Variants in EPYC observed in about 807,000 individuals in gnomAD.
The protein encoded by EPYC is epiphycan.
A neutral mutation model predicts 30.1 loss-of-function variants in EPYC; 28 were observed. The ratio of observed to expected loss-of-function variants is 0.93; its 90% CI spans 0.69 to 1.28. The LOEUF is 1.28. Ranked by LOEUF, EPYC falls within the 50% of genes most tolerant of loss-of-function variation. EPYC has a pLI of 0.00. For missense variants in EPYC, 382 were observed against 383.5 expected (o/e 1.00, Z 0.03); for synonymous variants, 144 against 141.4 (o/e 1.02, Z -0.13).
At chr12:90,975,875 AT>A (rs1360673947) in intron 3 of EPYC, among the ~76,000 whole-genome samples, 1 of 152,138 alleles carries the variant, frequency 6.6e-6, no homozygotes, top group Admixed American at 6.6e-5. Context: ...CAGAAAGAAT[AT>A]AATATATTCA....
intron 2 of EPYC, among the ~76,000 whole-genome samples, chr12:90,987,431 C>A (rs1017470813): frequency 6.6e-6 from 1 of 151,018 alleles, no homozygotes; most frequent in Non-Finnish European, 1.5e-5. Flanking sequence ...TGGCCAGAAG[C>A]CCCTCTCAGG....
chr12:90,966,928 C>T (rs1000219848), intron 6 of EPYC, among the ~76,000 whole-genome samples: 34 of 151,998 alleles, frequency 2.2e-4, no homozygotes, highest in African/African-American at 8.2e-4. Context: ...TATAGTAATC[C>T]TTATGATCCT....
chr12:90,998,875 G>A (rs1877758039), intron 2 of EPYC, among the ~76,000 whole-genome samples: 1 of 152,044 alleles, frequency 6.6e-6, no homozygotes, highest in South Asian at 2.1e-4. Context: ...TAGGGCTGTG[G>A]TCTCATGCAG....
chr12:91,002,429 T>C lies in EPYC; in HGVS notation c.137A>G (p.Tyr46Cys), dbSNP rs1877853656. 1 of 1,612,830 alleles carries C rather than the reference T, an allele frequency of 6.2e-7. No individual in the cohort carries two copies. The highest frequency in any genetic ancestry group is 1.3e-5 in the African/African-American group (1 of 74,814). Residue 46 changes from tyrosine to cysteine, a missense_variant, in exon 2 of 7, where the codon TAT (tyrosine) becomes TGT (cysteine). Coordinates refer to ENST00000261172, the MANE Select transcript of EPYC (RefSeq NM_004950.5). The part of the protein sequence containing the change: ...TLEDLDNLYN[Y>C]ENIPVDKVEI... ...AACTTTATCAACAGGTATGTTTTCA[T>C]AGTTGTACAAATTATCCAGGTCTTC...
chr12:90,996,214 T>C (rs550964491), intron 2 of EPYC, among the ~76,000 whole-genome samples: 1 of 151,936 alleles, frequency 6.6e-6, no homozygotes, highest in African/African-American at 2.4e-5. Flanking sequence ...CCTATACCGA[T>C]TTATTATATT....
chr12:90,977,493 A>G (rs973406857), intron 3 of EPYC, among the ~76,000 whole-genome samples: 2 of 152,136 alleles, frequency 1.3e-5, no homozygotes, highest in Admixed American at 1.3e-4. Context: ...TAAACAGCCA[A>G]GAATCTGAAC....
At chr12:90,979,038 A>C (rs1877264854) in intron 2 of EPYC, among the ~76,000 whole-genome samples, 1 of 152,170 alleles carries the variant, frequency 6.6e-6, no homozygotes, top group Non-Finnish European at 1.5e-5. Flanking sequence ...TTTAGATTAC[A>C]ACTGCTTTGC....
rs1247283749 is a variant in EPYC, at chr12:91,002,524, A to G, written c.42T>C (p.Phe14=). 6.2e-7 allele frequency: 1 copy of G among 1,613,126 alleles called. No individual in the cohort carries two copies. The highest frequency in any genetic ancestry group is 8.5e-7 in the Non-Finnish European group (1 of 1,179,526). ...LAGLVLGLVI[F]DAAVTAPTLE... ...GAGTTGGGGCAGTCACAGCAGCATC[A>G]AAGATGACAAGTCCCAGAACAAGTC... The change falls in exon 2 of 7, where the codon TTT becomes TTC. Residue 14 remains phenylalanine, a synonymous_variant. Transcript: ENST00000261172.
chr12:91,000,545 A>C (rs1565877108), intron 2 of EPYC, among the ~76,000 whole-genome samples: 1 of 151,810 alleles, frequency 6.6e-6, no homozygotes, highest in Admixed American at 6.6e-5. Context: ...AGATATAGTC[A>C]TTTTTTTCAT....
intron 2 of EPYC, among the ~76,000 whole-genome samples, chr12:90,999,093 T>A (rs1478143232): frequency 6.6e-6 from 1 of 152,116 alleles, no homozygotes; most frequent in Non-Finnish European, 1.5e-5. Context: ...AAACATCTCA[T>A]GAGTTTAGGT....
In EPYC at chr12:90,972,742, C is replaced by T. The variant is rs936386070; in HGVS notation, c.499+80G>A. On this transcript the variant is annotated intron_variant, in intron 4 of 6. Coordinates refer to ENST00000261172, the MANE Select transcript of EPYC (RefSeq NM_004950.5). ...CAGGCTTTGGCATTCAAGTTTCATT[C>T]TCAGTGCTAACATTTAACAATGTAA... The T allele has an allele frequency of 3.2e-6, 4 of 1,235,988 alleles. No individual in the cohort carries two copies. The African/African-American group carries it at 6.1e-5, about 19-fold the overall frequency. The allele number at this position is 1,235,988 out of a possible 1,614,324, so 76.6% of individuals were successfully genotyped here.
At chr12:90,999,345 T>A (rs1877768560) in intron 2 of EPYC, among the ~76,000 whole-genome samples, 1 of 152,120 alleles carries the variant, frequency 6.6e-6, no homozygotes, top group Admixed American at 6.6e-5. Context: ...AAATGCCAAG[T>A]CTTATAACTT....
intron 2 of EPYC, among the ~76,000 whole-genome samples, chr12:91,002,039 T>G (rs1877838947): frequency 6.6e-6 from 1 of 151,262 alleles, no homozygotes; most frequent in Non-Finnish European, 1.5e-5. Flanking sequence ...ATACAAAAAT[T>G]AGCTGCGTGT....
intron 2 of EPYC, among the ~76,000 whole-genome samples, chr12:90,982,860 A>T (rs1309618619): frequency 6.6e-6 from 1 of 152,110 alleles, no homozygotes; most frequent in East Asian, 1.9e-4. Context: ...TTGTGTGTAT[A>T]TACCACATTG....
At chr12:90,974,211 GGA>G (rs1356162866) in intron 3 of EPYC, among the ~76,000 whole-genome samples, 1 of 151,996 alleles carries the variant, frequency 6.6e-6, no homozygotes, top group Non-Finnish European at 1.5e-5. Context: ...GGCCATGTGG[GGA>G]GAGAGTTTTA....
chr12:90,986,679 C>T (rs2120844342), intron 2 of EPYC, among the ~76,000 whole-genome samples: 1 of 152,248 alleles, frequency 6.6e-6, no homozygotes, highest in South Asian at 2.1e-4. Flanking sequence ...CCAAGCTAGT[C>T]CAGCCAGCAC....
intron 2 of EPYC, among the ~76,000 whole-genome samples, chr12:90,985,420 C>T (rs141989363): frequency 0.014 from 2,201 of 152,188 alleles, 22 homozygotes; most frequent in African/African-American, 0.027. Context: ...GCTCCAAAAG[C>T]GAGCCCTGGG....
intron 2 of EPYC, among the ~76,000 whole-genome samples, chr12:90,996,207 A>T (rs1387181122): frequency 6.6e-6 from 1 of 151,856 alleles, no homozygotes; most frequent in Non-Finnish European, 1.5e-5. Context: ...ATGCAGTCCT[A>T]TACCGATTTA....
At chr12:90,977,608 C>A (rs774750913) in intron 3 of EPYC, among the ~76,000 whole-genome samples, 5 of 152,156 alleles carry the variant, frequency 3.3e-5, no homozygotes, top group Non-Finnish European at 7.4e-5. Flanking sequence ...GTAATATTAA[C>A]ACTCTGACAG....
Sources: allele counts gnomAD v4.1 joint callset (sites outside exome capture counted in the v4.1 genomes callset), GRCh38; gene constraint gnomAD v4.1.1; transcripts MANE v1.5; gene names NCBI Gene and HGNC (gene_info 2026-07-23, HGNC 2026-07-21).